Variants in ATP8A2 observed in about 807,000 individuals in gnomAD.
ATP8A2 encodes the protein phospholipid-transporting ATPase IB.
A neutral mutation model predicts 165.6 loss-of-function variants in ATP8A2; 100 were observed. The observed-to-expected ratio is 0.60, with a 90% CI of 0.51 to 0.71. The LOEUF is 0.71. Ranked by LOEUF, ATP8A2 falls within the 30% of genes least tolerant of loss-of-function variation. The pLI, the probability that ATP8A2 is intolerant of heterozygous loss-of-function variation, is 0.00. For synonymous variants in ATP8A2, 543 were observed against 548.8 expected, an observed-to-expected ratio of 0.99 and a Z score of 0.15; for missense variants, 1,227 against 1,479.5, an observed-to-expected ratio of 0.83 and a Z score of 2.80.
At chr13:25,593,529 T>C (rs979720473) in intron 24 of ATP8A2, among the ~76,000 whole-genome samples, 1 of 152,160 alleles carries the variant, frequency 6.6e-6, no homozygotes, top group African/African-American at 2.4e-5. Context: ...CTAGATGATA[T>C]ATTAAAATGC....
chr13:25,989,766 C>A (rs1357122521), intron 35 of ATP8A2, among the ~76,000 whole-genome samples: 1 of 152,148 alleles, frequency 6.6e-6, no homozygotes, highest in African/African-American at 2.4e-5. Context: ...TTTCCTTCCT[C>A]CTCACTTCCA....
At chr13:25,812,363 C>G (rs1004827039) in intron 27 of ATP8A2, among the ~76,000 whole-genome samples, 9 of 148,940 alleles carry the variant, frequency 6.0e-5, no homozygotes, top group Admixed American at 2.0e-4. Context: ...CTGGACTTCA[C>G]TTCTCTTTGA....
intron 2 of ATP8A2, among the ~76,000 whole-genome samples, chr13:25,512,139 C>T (rs9581367): frequency 0.051 from 7,630 of 149,356 alleles, 230 homozygotes; most frequent in South Asian, 0.12. Context: ...CATCTTGCAC[C>T]GCCCTTAATC....
intron 24 of ATP8A2, among the ~76,000 whole-genome samples, chr13:25,685,080 C>T (rs796493212): frequency 2.0e-5 from 3 of 152,276 alleles, no homozygotes; most frequent in African/African-American, 7.2e-5. Flanking sequence ...TGGTTCCTCC[C>T]CAACCCCTCC....
intron 27 of ATP8A2, among the ~76,000 whole-genome samples, chr13:25,826,606 T>C (rs1332043225): frequency 6.6e-6 from 1 of 152,234 alleles, no homozygotes; most frequent in African/African-American, 2.4e-5. Flanking sequence ...ACTCTGGTTG[T>C]CATGGTGTCT....
At chr13:25,813,565 T>C (rs1308509220) in intron 27 of ATP8A2, among the ~76,000 whole-genome samples, 1 of 108,256 alleles carries the variant, frequency 9.2e-6, no homozygotes, top group Non-Finnish European at 1.9e-5. Context: ...GATGATACGA[T>C]ATAATATGGC....
At chr13:25,782,738 T>C (rs1295590613) in intron 27 of ATP8A2, among the ~76,000 whole-genome samples, 1 of 152,204 alleles carries the variant, frequency 6.6e-6, no homozygotes, top group African/African-American at 2.4e-5. Flanking sequence ...CAGTTTTGTT[T>C]TGTTTTGTTT....
intron 24 of ATP8A2, among the ~76,000 whole-genome samples, chr13:25,619,402 C>A (rs2040911382): frequency 6.6e-6 from 1 of 152,076 alleles, no homozygotes; most frequent in Non-Finnish European, 1.5e-5. Flanking sequence ...AATTCACTTT[C>A]AAAAAATCAT....
In ATP8A2 at chr13:25,571,678, G is replaced by A. The variant is rs767187036; in HGVS notation, c.1648G>A (p.Val550Ile). 1.9e-6 allele frequency: 3 copies of A among 1,614,032 alleles called. No individual in the cohort carries two copies. Among genetic ancestry groups the A allele is most frequent in the South Asian group, 2.2e-5 (2 of 91,080 alleles). Residue 550 changes from valine to isoleucine, a missense_variant, in exon 18 of 37, where the codon GTC becomes ATC. Around this residue, in one of 5 missense-constraint regions of ATP8A2, gnomAD observed 592 missense variants for 785.6 expected, o/e 0.75. Coordinates refer to ENST00000381655, the MANE Select transcript of ATP8A2 (RefSeq NM_016529.6). The stretch of plus-strand genomic sequence containing the variant: ...CTTCACAGCCAGAACACCATTCTCA[G>A]TCATCATAGAAGCGGTGAGTAACAT... ...FVFTARTPFS[V>I]IIEAMGQEQT... is the part of the protein sequence containing the mutation.
intron 33 of ATP8A2, among the ~76,000 whole-genome samples, chr13:25,952,567 G>A (rs1001569838): frequency 1.1e-4 from 16 of 151,906 alleles, no homozygotes; most frequent in Admixed American, 1.3e-4. Flanking sequence ...GTAGAAACAG[G>A]GTCTCACGAT....
intron 33 of ATP8A2, among the ~76,000 whole-genome samples, chr13:25,893,096 A>T (rs1953427991): frequency 6.6e-6 from 1 of 151,890 alleles, no homozygotes; most frequent in Non-Finnish European, 1.5e-5. Context: ...CATGTGCACA[A>T]CGTGCAGGTT....
At chr13:25,598,389 C>A (rs1343014146) in intron 24 of ATP8A2, among the ~76,000 whole-genome samples, 1 of 152,060 alleles carries the variant, frequency 6.6e-6, no homozygotes, top group African/African-American at 2.4e-5. Flanking sequence ...CTCCAGAAAG[C>A]CTATTGGGAT....
chr13:25,589,739 A>T (rs1166869472), intron 24 of ATP8A2, 40 bp downstream of exon 24: 1 of 1,261,302 alleles, frequency 7.9e-7, no homozygotes, highest in East Asian at 2.4e-5. Flanking sequence ...TTGCTATAAC[A>T]GTATTAAACT....
At chr13:25,387,506 G>C (rs2033099488) in intron 1 of ATP8A2, among the ~76,000 whole-genome samples, 1 of 152,038 alleles carries the variant, frequency 6.6e-6, no homozygotes, top group Admixed American at 6.6e-5. Flanking sequence ...CTGTCGTTGG[G>C]ATGTGCACAG....
intron 33 of ATP8A2, among the ~76,000 whole-genome samples, chr13:25,932,511 G>A (rs757037602): frequency 2.6e-5 from 4 of 152,200 alleles, no homozygotes; most frequent in Non-Finnish European, 5.9e-5. Flanking sequence ...CTTGCACCTT[G>A]TGGTCATTGG....
intron 1 of ATP8A2, among the ~76,000 whole-genome samples, chr13:25,386,821 C>T (rs190495472): frequency 6.6e-6 from 1 of 152,198 alleles, no homozygotes; most frequent in East Asian, 1.9e-4. Flanking sequence ...CACGGTGAAA[C>T]CCCGTCTCTA....
intron 35 of ATP8A2, among the ~76,000 whole-genome samples, chr13:25,975,329 T>G (rs1203842411): frequency 6.6e-6 from 1 of 152,122 alleles, no homozygotes; most frequent in Non-Finnish European, 1.5e-5. Context: ...ATCCCAGCAC[T>G]TTGGGAGGCC....
At chr13:25,375,704 C>T (rs1408789126) in intron 1 of ATP8A2, among the ~76,000 whole-genome samples, 1 of 151,888 alleles carries the variant, frequency 6.6e-6, no homozygotes, top group East Asian at 1.9e-4. Flanking sequence ...TCCCAAGTAG[C>T]TGGGATTATA....
At position 25,572,430 on chromosome 13, in the gene ATP8A2, C is replaced by T. The variant is rs192064386; in HGVS notation, c.1662+738C>T. Among the ~76,000 whole-genome samples the T allele has an allele frequency of 2.7e-3, 407 of 152,256 alleles. 2 individuals are homozygous for T. The highest frequency in any genetic ancestry group is 9.2e-3 in the African/African-American group (383 of 41,560). ...CTGGGACAGGCGTGAGCCACTGTGC[C>T]GGGCTTTGATCTCTTTTATCTATAT... On this transcript the variant is annotated intron_variant, in intron 18 of 36. Transcript: ENST00000381655.
Sources: gnomAD v4.1 joint callset for allele counts (sites outside exome capture counted in the v4.1 genomes callset) on GRCh38, gnomAD v4.1.1 for gene constraint, gnomAD v4.1.1 regional missense constraint, MANE v1.5 for transcripts, NCBI Gene and HGNC (gene_info 2026-07-23, HGNC 2026-07-21) for gene names.